The following TUBGCP6 variants were observed in gnomAD, a reference collection of about 807,000 sequenced individuals.
TUBGCP6 encodes the protein gamma-tubulin complex component 6.
TUBGCP6 carries 161 observed loss-of-function variants against 175.8 expected under a neutral mutation model. The ratio of observed to expected loss-of-function variants is 0.92; its 90% confidence interval spans 0.81 to 1.04. The LOEUF is 1.04. TUBGCP6 is among the 50% of genes least tolerant of loss of function. The probability of loss-of-function intolerance (pLI) is 0.00; values close to 1 mark genes in which losing one functional copy is unlikely to be tolerated. For missense variants in TUBGCP6, 2,572 were observed against 2,433.0 expected (o/e 1.06, Z -1.20); for synonymous variants, 1,173 against 1,030.5 (o/e 1.14, Z -2.65).
Position 50,218,118 on chromosome 22 carries a change from C to T in TUBGCP6, c.5169-1G>A, listed in dbSNP as rs781567146. 1 of 1,612,208 alleles carries T rather than the reference C, an allele frequency of 6.2e-7. No homozygotes were observed. The highest frequency in any genetic ancestry group is 1.1e-5 in the South Asian group (1 of 91,062). Reference sequence around the variant, plus strand: ...CGCCGCCTTCTCCGTGAGCAGGCCCCTGGGGGGAAGCAGTGCTGCTGGGTG... The same window carrying T: ...CGCCGCCTTCTCCGTGAGCAGGCCCTTGGGGGGAAGCAGTGCTGCTGGGTG... On this transcript the variant is annotated splice_acceptor_variant, in intron 23 of 24. Transcript: ENST00000248846. LOFTEE classifies it high-confidence loss of function.
intron 10 of TUBGCP6, among the ~76,000 whole-genome samples, chr22:50,225,470 C>A (rs917772798): frequency 6.6e-6 from 1 of 152,166 alleles, no homozygotes; most frequent in Non-Finnish European, 1.5e-5. Context: ...GAGGCCCCAA[C>A]GGAGTTTCCC....
Position 50,218,791 on chromosome 22 carries a change from G to C in TUBGCP6, c.4733C>G (p.Ser1578Cys). ...GTACTTGAGAGCGAGGGAGAGGTTG[G>C]AGGCGTGCGGGGTGTCCCCATGCAG... is the stretch of plus-strand genomic sequence containing the variant. ...CSLHGDTPHA[S>C]NLSLALKYLP... The change falls in exon 21 of 25, where the codon TCC becomes TGC. Residue 1578 changes from serine (S) to cysteine (C), a missense_variant. Physicochemically the swap from Ser to Cys is moderately radical, Grantham distance 112. Coordinates refer to ENST00000248846, the MANE Select transcript of TUBGCP6 (RefSeq NM_020461.4). 6.2e-7 allele frequency: 1 copy of C among 1,614,088 alleles called. No individual in the cohort carries two copies. Among genetic ancestry groups the C allele is most frequent in the Non-Finnish European group, 8.5e-7 (1 of 1,180,004 alleles).
chr22:50,238,976 G>A (rs1465909580), intron 2 of TUBGCP6, among the ~76,000 whole-genome samples: 1 of 152,168 alleles, frequency 6.6e-6, no homozygotes, highest in Non-Finnish European at 1.5e-5. Context: ...CATGATGTCA[G>A]GAAAGCTCGC....
At chr22:50,243,209 G>C (rs554333243) in intron 1 of TUBGCP6, among the ~76,000 whole-genome samples, 1 of 152,232 alleles carries the variant, frequency 6.6e-6, no homozygotes, top group Non-Finnish European at 1.5e-5. Flanking sequence ...CAGCACTTTG[G>C]GAGGCCGAGG....
At chr22:50,233,742 C>T (rs2064724057) in intron 2 of TUBGCP6, among the ~76,000 whole-genome samples, 1 of 152,116 alleles carries the variant, frequency 6.6e-6, no homozygotes, top group Admixed American at 6.5e-5. Context: ...TCTATCAGGA[C>T]AACTCATGTG....
At chr22:50,233,938 T>C (rs960070013) in intron 2 of TUBGCP6, among the ~76,000 whole-genome samples, 4 of 151,960 alleles carry the variant, frequency 2.6e-5, no homozygotes, top group Non-Finnish European at 4.4e-5. Context: ...ATCTACACCC[T>C]GTCCATGGCA....
chr22:50,225,877 T>A lies in TUBGCP6; in HGVS notation c.1900A>T (p.Lys634Ter), dbSNP rs770218767. Residue 634 changes from lysine to a stop codon, truncating the protein, a stop_gained, in exon 10 of 25, where the codon AAG (lysine) becomes TAG (stop). Transcript: ENST00000248846. LOFTEE classifies it high-confidence loss of function. ...ACGGCACAGTCCTTCTCAATCTCCT[T>A]CAACTCCTCAAGGGAGAAAATCACC... is the stretch of plus-strand genomic sequence containing the variant. ...ISVIFSLEEL[K>*]EIEKDCAVYV... 3 of 1,613,566 alleles carry A rather than the reference T, an allele frequency of 1.9e-6. No individual in the cohort carries two copies. Among genetic ancestry groups the A allele is most frequent in the Non-Finnish European group, 2.5e-6 (3 of 1,179,918 alleles).
rs2064517416 is a variant in TUBGCP6, at chr22:50,221,223, T to G, written c.3136A>C (p.Thr1046Pro). 6.2e-7 allele frequency: 1 copy of G among 1,614,168 alleles called. No homozygotes were observed. The highest frequency in any genetic ancestry group is 1.6e-4 in the Middle Eastern group (1 of 6,062). ...TGDYASEIAPTRPRWNTHGHV... is the reference protein window; with the variant it reads ...TGDYASEIAPPRPRWNTHGHV... ...CCGTGGGTGTTCCACCGTGGCCGGGTGGGAGCTATTTCAGAAGCGTAGTCC... is the reference window on the plus strand; with the variant it reads ...CCGTGGGTGTTCCACCGTGGCCGGGGGGGAGCTATTTCAGAAGCGTAGTCC... The change falls in exon 16 of 25, where the codon ACC becomes CCC. Residue 1046 changes from threonine to proline, a missense_variant. Physicochemically the swap from Thr to Pro is conservative, Grantham distance 38 (BLOSUM62 -1). Coordinates refer to ENST00000248846, the MANE Select transcript of TUBGCP6 (RefSeq NM_020461.4).
At chr22:50,224,670 G>A (rs1210753306) in intron 10 of TUBGCP6, 78 bp from the exon 11 acceptor site, 13 of 1,417,742 alleles carry the variant, frequency 9.2e-6, no homozygotes, top group Non-Finnish European at 4.9e-6. Flanking sequence ...ACTTTGGGAG[G>A]CCGAGGTGGG....
intron 4 of TUBGCP6, 114 bp from the exon 5 acceptor site, chr22:50,228,142 G>A: frequency 1.6e-6 from 2 of 1,288,648 alleles, no homozygotes; most frequent in Non-Finnish European, 1.0e-6. Context: ...TCAGCTCTGG[G>A]CTCCATTTCC....
intron 13 of TUBGCP6, chr22:50,222,958 G>A (rs981708586): frequency 4.8e-6 from 1 of 206,456 alleles, no homozygotes; most frequent in Non-Finnish European, 9.7e-6. Flanking sequence ...ACAAACCTGA[G>A]AACTGAAAAC....
At position 50,220,419 on chromosome 22, in the gene TUBGCP6, C is replaced by G. The variant is rs144848522; in HGVS notation, c.3940G>C (p.Val1314Leu). Residue 1314 changes from valine to leucine, a missense_variant, in exon 16 of 25, where the codon GTG becomes CTG. Val to Leu is a conservative substitution (Grantham distance 32). Coordinates refer to ENST00000248846, the MANE Select transcript of TUBGCP6 (RefSeq NM_020461.4). ...SALSLGAQST[V>L]LDCGPRLPVE... ...GGCAGCCGTGGCCCACAGTCCAGCA[C>G]AGTGCTCTGTGCTCCCAGGCTGAGC... 1 of 1,607,038 alleles carries G rather than the reference C, an allele frequency of 6.2e-7. No homozygotes were observed. Among genetic ancestry groups the G allele is most frequent in the Non-Finnish European group, 8.5e-7 (1 of 1,177,044 alleles).
rs369527843 is a variant in TUBGCP6 at position 50,218,120 on chromosome 22, G to T, written c.5169-3C>A. 8 of 1,611,830 alleles carry T rather than the reference G, an allele frequency of 5.0e-6. No homozygotes were observed. The highest frequency in any genetic ancestry group is 5.9e-6 in the Non-Finnish European group (7 of 1,179,492). ...CCGCCTTCTCCGTGAGCAGGCCCCT[G>T]GGGGGAAGCAGTGCTGCTGGGTGGG... On this transcript the variant is annotated splice_region_variant and splice_polypyrimidine_tract_variant and intron_variant, in intron 23 of 24. Transcript: ENST00000248846.
At chr22:50,224,628 C>T (rs780101729) in intron 10 of TUBGCP6, 36 bp from the exon 11 acceptor site, 28 of 1,606,768 alleles carry the variant, frequency 1.7e-5, no homozygotes, top group South Asian at 3.3e-5. Flanking sequence ...GCATCCTGGC[C>T]GGGCGCAGTG....
At chr22:50,242,208 C>T (rs547135340) in intron 1 of TUBGCP6, among the ~76,000 whole-genome samples, 65 of 151,940 alleles carry the variant, frequency 4.3e-4, no homozygotes, top group African/African-American at 1.5e-3. Context: ...GGGAGAATGG[C>T]GTGAACCTGG....
In TUBGCP6 at chr22:50,219,465, G is replaced by A. The variant is rs1311322988; in HGVS notation, c.4316-9C>T. 3.2e-6 allele frequency: 5 copies of A among 1,586,944 alleles called. No homozygotes were observed. The highest frequency in any genetic ancestry group is 2.3e-5 in the East Asian group (1 of 43,118). On this transcript the variant is annotated splice_polypyrimidine_tract_variant and intron_variant, in intron 18 of 24. Transcript: ENST00000248846. The stretch of plus-strand genomic sequence containing the variant: ...AGCAATGGGCGGCTCGGCTGCGGGA[G>A]ATGGAGCACGCACGTGCTGGGAACC...
At chr22:50,223,859 C>T (rs1297473459) in intron 13 of TUBGCP6, 1 of 280,806 alleles carries the variant, frequency 3.6e-6, no homozygotes, top group East Asian at 6.7e-5. Flanking sequence ...GAAGGATGTT[C>T]AGAAAGAAGA....
rs766757338 is a variant in TUBGCP6, at chr22:50,244,494, A to G, written c.-35T>C. On this transcript the variant is annotated 5_prime_UTR_variant, in exon 1 of 25. Coordinates refer to ENST00000248846, the MANE Select transcript of TUBGCP6 (RefSeq NM_020461.4). ...CAGCTCCGGGCCCCCGGCGTGTGGG[A>G]AAACACCTCACCCGGGCTTCACTCA... The G allele has an allele frequency of 1.3e-6, 2 of 1,573,920 alleles. No individual in the cohort carries two copies. The highest frequency in any genetic ancestry group is 4.5e-5 in the East Asian group (2 of 43,994).
chr22:50,240,343 C>T lies in TUBGCP6; in HGVS notation c.766G>A (p.Glu256Lys). The change falls in exon 2 of 25, where the codon GAA becomes AAA. Residue 256 changes from glutamate (E) to lysine (K), a missense_variant. Transcript: ENST00000248846. The stretch of plus-strand genomic sequence containing the variant: ...GACGCTGACTGGAATCCTTCGTCTT[C>T]CCACTGATCCACACTCGGTGGGACC... The part of the protein sequence containing the change: ...IKVPPSVDQW[E>K]DEGFQSASNL... The T allele has an allele frequency of 6.2e-7, 1 of 1,613,978 alleles. No individual in the cohort carries two copies. The highest frequency in any genetic ancestry group is 8.5e-7 in the Non-Finnish European group (1 of 1,180,028).
Sources: gnomAD v4.1 joint callset for allele counts (sites outside exome capture counted in the v4.1 genomes callset) on GRCh38, gnomAD v4.1.1 for gene constraint, MANE v1.5 for transcripts, NCBI Gene and HGNC (gene_info 2026-07-23, HGNC 2026-07-21) for gene names.